Variants in SH3PXD2B observed in about 807,000 individuals in gnomAD.
SH3PXD2B encodes the protein SH3 and PX domain-containing protein 2B.
A neutral mutation model predicts 73.1 loss-of-function variants in SH3PXD2B; 37 were observed. The observed-to-expected ratio is 0.51, with a 90% CI of 0.39 to 0.67. The LOEUF is 0.67. Ranked by LOEUF, SH3PXD2B falls within the 30% of genes least tolerant of loss-of-function variation. The probability of loss-of-function intolerance (pLI) is 0.00; values close to 1 mark genes in which losing one functional copy is unlikely to be tolerated. For synonymous variants in SH3PXD2B, 457 were observed against 480.5 expected (o/e 0.95, Z 0.64); for missense variants, 1,053 against 1,197.8 (o/e 0.88, Z 1.78).
chr5:172,418,466 C>T (rs1035795722), intron 2 of SH3PXD2B, among the ~76,000 whole-genome samples: 2 of 152,214 alleles, frequency 1.3e-5, no homozygotes, highest in Admixed American at 1.3e-4. Flanking sequence ...TGCTCCTCCA[C>T]CAAGGCTCGG....
intron 1 of SH3PXD2B, among the ~76,000 whole-genome samples, chr5:172,453,607 C>T (rs1362454770): frequency 1.3e-5 from 2 of 152,246 alleles, no homozygotes; most frequent in Admixed American, 6.5e-5. Flanking sequence ...CCCATTTTCT[C>T]AAGTCCTTGC....
At chr5:172,412,724 C>T (rs927077539) in intron 2 of SH3PXD2B, among the ~76,000 whole-genome samples, 2 of 152,174 alleles carry the variant, frequency 1.3e-5, no homozygotes, top group African/African-American at 4.8e-5. Context: ...AGGGACCAGG[C>T]CCAGGCTGTC....
In SH3PXD2B at chr5:172,339,647, T is replaced by C. The variant is rs1756803863; in HGVS notation, c.1458A>G (p.Lys486=). 1.2e-6 allele frequency: 2 copies of C among 1,614,224 alleles called. No homozygotes were observed. The highest frequency in any genetic ancestry group is 2.2e-5 in the East Asian group (1 of 44,878). The change falls in exon 13 of 13, where the codon AAA becomes AAG. Residue 486 remains lysine, a synonymous_variant. Coordinates refer to ENST00000311601, the MANE Select transcript of SH3PXD2B (RefSeq NM_001017995.3). The surrounding 1 kb of genome is among the most constrained non-coding windows in gnomAD (Gnocchi z 6.1). ...GGACATCCTTACTGCCCTTCCAGTC[T>C]TTAGACCATGGCAACCCCGAGTCCA... The part of the protein sequence containing the change: ...GVMDSGLPWS[K]DWKGSKDVLR...
intron 5 of SH3PXD2B, among the ~76,000 whole-genome samples, chr5:172,377,725 T>TA (rs768536305): frequency 1.3e-5 from 2 of 152,192 alleles, no homozygotes; most frequent in Non-Finnish European, 2.9e-5. Flanking sequence ...CAGATACATA[T>TA]ACTCCAGCAT....
intron 5 of SH3PXD2B, among the ~76,000 whole-genome samples, chr5:172,379,941 GA>G (rs1757906549): frequency 6.6e-6 from 1 of 152,124 alleles, no homozygotes; most frequent in African/African-American, 2.4e-5. Flanking sequence ...CTGACCTGGG[GA>G]AAATTCACCT....
At chr5:172,413,877 C>G (rs750402276) in intron 2 of SH3PXD2B, among the ~76,000 whole-genome samples, 5 of 152,212 alleles carry the variant, frequency 3.3e-5, no homozygotes, top group African/African-American at 4.8e-5. Context: ...AAAAGTGTGT[C>G]TGAGGATGGA....
chr5:172,409,155 G>A (rs1469371707), intron 2 of SH3PXD2B, among the ~76,000 whole-genome samples: 2 of 152,116 alleles, frequency 1.3e-5, no homozygotes, highest in African/African-American at 4.8e-5. Flanking sequence ...GCCGAGGTGG[G>A]TGGATGGCCT....
chr5:172,447,031 G>A (rs961018523), intron 1 of SH3PXD2B, among the ~76,000 whole-genome samples: 6 of 152,166 alleles, frequency 3.9e-5, no homozygotes, highest in African/African-American at 1.4e-4. Context: ...AATCCTTTGG[G>A]ACAGGATGGG....
chr5:172,359,014 CA>C, intron 7 of SH3PXD2B, 137 bp from the exon 8 acceptor site: 4 of 826,940 alleles, frequency 4.8e-6, no homozygotes, highest in Non-Finnish European at 8.0e-6. Context: ...TGGTAGAACA[CA>C]ACTACCAATG....
chr5:172,368,576 ATATATATATATAAAATATGT>A lies in SH3PXD2B; in HGVS notation c.427+5194_427+5213del, dbSNP rs1190407041. ...ATATTATATATATATAAAATATGTT[ATATATATATATAAAATATGT>A]TATATATATAATATATATGTTATAT... is the stretch of plus-strand genomic sequence containing the variant. On this transcript the variant is annotated intron_variant, in intron 6 of 12. Transcript: ENST00000311601. 6.0e-3 allele frequency among the ~76,000 whole-genome samples: 83 copies of A among 13,840 alleles called. 14 individuals are homozygous for A. Among genetic ancestry groups the A allele is most frequent in the African/African-American group, 0.048 (82 of 1,692 alleles). The allele number at this position is 13,840 out of a possible 152,430, so 9.1% of individuals were successfully genotyped here. A position where few individuals can be genotyped will look rare whatever the true frequency, so the allele number is the denominator to read the frequency against.
intron 6 of SH3PXD2B, among the ~76,000 whole-genome samples, chr5:172,372,159 C>T (rs1194129841): frequency 1.3e-5 from 2 of 152,120 alleles, no homozygotes; most frequent in Admixed American, 1.3e-4. Context: ...GGATCTGCGT[C>T]CCCACCCAAA....
intron 4 of SH3PXD2B, among the ~76,000 whole-genome samples, chr5:172,391,379 T>A (rs139443035): frequency 6.6e-6 from 1 of 152,226 alleles, no homozygotes; most frequent in Non-Finnish European, 1.5e-5. Context: ...GTCTTACTAT[T>A]ATTGAGTTCT....
intron 7 of SH3PXD2B, among the ~76,000 whole-genome samples, chr5:172,362,454 T>A (rs1188616346): frequency 6.6e-6 from 1 of 152,190 alleles, no homozygotes; most frequent in African/African-American, 2.4e-5. Flanking sequence ...AATGCTGGAC[T>A]TTGTCTGCCA....
chr5:172,414,449 T>C (rs1581320748), intron 2 of SH3PXD2B, among the ~76,000 whole-genome samples: 2 of 110,396 alleles, frequency 1.8e-5, no homozygotes, highest in Non-Finnish European at 3.4e-5. Context: ...AGAGCGAGAC[T>C]CCATCTTAAA....
chr5:172,332,172 T>C (rs1756567739), downstream of SH3PXD2B, among the ~76,000 whole-genome samples: 1 of 151,894 alleles, frequency 6.6e-6, no homozygotes, highest in African/African-American at 2.4e-5. Context: ...GCCAGTCCTG[T>C]TATGATTAAG....
At position 172,338,837 on chromosome 5, in the gene SH3PXD2B, C is replaced by G. The variant is rs1356336770; in HGVS notation, c.2268G>C (p.Val756=). ...PLQEAPQQRP[V]VPPRRPPPPK... The stretch of plus-strand genomic sequence containing the variant: ...GGGGAGGTGGTCTGCGGGGTGGGAC[C>G]ACAGGTCTCTGCTGGGGAGCCTCTT... Residue 756 remains valine, a synonymous_variant, in exon 13 of 13, where the codon GTG becomes GTC. Coordinates refer to ENST00000311601, the MANE Select transcript of SH3PXD2B (RefSeq NM_001017995.3). The surrounding 1 kb of genome is among the most constrained non-coding windows in gnomAD (Gnocchi z 5.1). 1 of 1,613,946 alleles carries G rather than the reference C, an allele frequency of 6.2e-7. No individual in the cohort carries two copies. The highest frequency in any genetic ancestry group is 1.3e-5 in the African/African-American group (1 of 75,058).
intron 2 of SH3PXD2B, among the ~76,000 whole-genome samples, chr5:172,418,667 C>T (rs762331415): frequency 3.3e-5 from 5 of 152,256 alleles, no homozygotes; most frequent in Middle Eastern, 3.4e-3. Flanking sequence ...AGGAGGCGGC[C>T]GGTTCCACGA....
intron 1 of SH3PXD2B, among the ~76,000 whole-genome samples, chr5:172,439,010 G>A (rs535061019): frequency 3.3e-5 from 5 of 151,672 alleles, no homozygotes; most frequent in Non-Finnish European, 7.4e-5. Flanking sequence ...AGGCCAAGGC[G>A]GGCAGATCAC....
At position 172,346,148 on chromosome 5, in the gene SH3PXD2B, G is replaced by T. The variant is rs752045016; in HGVS notation, c.1176C>A (p.Gly392=). The change falls in exon 12 of 13, where the codon GGC becomes GGA. Residue 392 remains glycine (G), a synonymous_variant. Transcript: ENST00000311601. ...TIPDGISFQA[G]LKVEVIEKNL... is the part of the protein sequence containing the mutation. Reference sequence around the variant, plus strand: ...CAGGGCCACTCACCTCGACCTTCAGGCCTGCCTGGAAGCTGATGCCGTCTG... The same window carrying T: ...CAGGGCCACTCACCTCGACCTTCAGTCCTGCCTGGAAGCTGATGCCGTCTG... 2 of 1,614,112 alleles carry T rather than the reference G, an allele frequency of 1.2e-6. No individual in the cohort carries two copies. The highest frequency in any genetic ancestry group is 1.7e-6 in the Non-Finnish European group (2 of 1,180,006).
Sources: gnomAD v4.1 joint callset for allele counts (sites outside exome capture counted in the v4.1 genomes callset) on GRCh38, gnomAD v4.1.1 for gene constraint, Gnocchi (gnomAD v3.1) non-coding constraint, MANE v1.5 for transcripts, NCBI Gene and HGNC (gene_info 2026-07-23, HGNC 2026-07-21) for gene names.